ROBO2: variants seen among roughly 807,000 people sequenced by gnomAD.
ROBO2 encodes the protein roundabout guidance receptor 2.
In ROBO2, 53 loss-of-function variants were observed where a neutral mutation model predicts 160.8. The ratio of observed to expected loss-of-function variants is 0.33; its 90% CI spans 0.26 to 0.41. The LOEUF (loss-of-function observed/expected upper bound fraction) is 0.41. ROBO2 is among the 10% of genes least tolerant of loss of function. ROBO2 has a pLI of 1.00. For missense variants in ROBO2, 1,577 were observed against 1,722.4 expected (o/e 0.92, Z 1.49); for synonymous variants, 664 against 611.7 (o/e 1.09, Z -1.26).
At chr3:76,425,502 G>A (rs2076179884) in intron 2 of ROBO2, among the ~76,000 whole-genome samples, 2 of 139,926 alleles carry the variant, frequency 1.4e-5, no homozygotes, top group Non-Finnish European at 3.2e-5. Flanking sequence ...GTGTGTGTGT[G>A]TGTGTGTGTG....
chr3:77,272,115 C>T (rs1386074375), intron 2 of ROBO2, among the ~76,000 whole-genome samples: 1 of 152,140 alleles, frequency 6.6e-6, no homozygotes, highest in South Asian at 2.1e-4. Context: ...GTCTGATCGT[C>T]TTAAACCCAT....
intron 2 of ROBO2, among the ~76,000 whole-genome samples, chr3:77,336,514 C>CT (rs532539144): frequency 1.1e-3 from 155 of 145,844 alleles, no homozygotes; most frequent in Middle Eastern, 7.2e-3. Context: ...CTTCCTCTTT[C>CT]TTTTTTTTTT....
intron 2 of ROBO2, among the ~76,000 whole-genome samples, chr3:76,943,357 A>G (rs1045222173): frequency 6.6e-6 from 1 of 152,216 alleles, no homozygotes; most frequent in Non-Finnish European, 1.5e-5. Context: ...AAAATTAAAA[A>G]GAAACAAAAC....
chr3:76,335,582 C>CT (rs796159413), intron 2 of ROBO2, among the ~76,000 whole-genome samples: 227 of 141,350 alleles, frequency 1.6e-3, no homozygotes, highest in East Asian at 5.1e-3. Context: ...AAAGCCATAA[C>CT]TTTTTTTTTT....
At chr3:76,930,412 T>C (rs1026577504) in intron 2 of ROBO2, among the ~76,000 whole-genome samples, 1 of 152,186 alleles carries the variant, frequency 6.6e-6, no homozygotes, top group South Asian at 2.1e-4. Flanking sequence ...GACTGTGCTA[T>C]AGAAAATTAC....
chr3:77,572,636 A>AACAC (rs71104692), intron 13 of ROBO2, among the ~76,000 whole-genome samples: 14,032 of 146,246 alleles, frequency 0.096, 718 homozygotes, highest in East Asian at 0.15. Flanking sequence ...CGTACATAGA[A>AACAC]ACACACACAC....
intron 2 of ROBO2, among the ~76,000 whole-genome samples, chr3:77,413,638 A>G (rs1394463378): frequency 6.6e-6 from 1 of 152,204 alleles, no homozygotes; most frequent in Non-Finnish European, 1.5e-5. Context: ...ACCAGGTGGA[A>G]TCAGCGGAGA....
At chr3:76,605,266 G>T (rs539796757) in intron 2 of ROBO2, among the ~76,000 whole-genome samples, 1 of 151,954 alleles carries the variant, frequency 6.6e-6, no homozygotes, top group African/African-American at 2.4e-5. Context: ...TTCAGATGAA[G>T]ACATTAAAGA....
chr3:77,233,840 C>T (rs1048875377), intron 2 of ROBO2, among the ~76,000 whole-genome samples: 3 of 152,090 alleles, frequency 2.0e-5, no homozygotes, highest in East Asian at 1.9e-4. Flanking sequence ...AATTTATTTG[C>T]TTCTAATGTC....
rs1375513032 is a variant in ROBO2, at chr3:76,453,585, T to A, written c.109+515983T>A. 3.9e-5 allele frequency among the ~76,000 whole-genome samples: 6 copies of A among 152,194 alleles called. No individual in the cohort carries two copies. In the East Asian group the frequency reaches 9.6e-4, roughly 24 times the overall value. On this transcript the variant is annotated intron_variant, in intron 2 of 26. Coordinates refer to the ROBO2 transcript ENST00000487694. ...TGCTGTTTTGGTTACTGTAGCCTTG[T>A]AGTATAGTTTGAAGTCAGGTAGCGT...
chr3:76,521,625 C>T (rs1332226497), intron 2 of ROBO2, among the ~76,000 whole-genome samples: 1 of 152,122 alleles, frequency 6.6e-6, no homozygotes, highest in Non-Finnish European at 1.5e-5. Context: ...CTATATTGTT[C>T]TGTTAAATAT....
At chr3:77,620,339 T>C (rs1457430155) in intron 22 of ROBO2, among the ~76,000 whole-genome samples, 1 of 152,204 alleles carries the variant, frequency 6.6e-6, no homozygotes, top group Non-Finnish European at 1.5e-5. Context: ...CTAGAAGATA[T>C]TTATAAATGT....
At chr3:76,880,871 G>A (rs188465276) in intron 2 of ROBO2, among the ~76,000 whole-genome samples, 45 of 152,172 alleles carry the variant, frequency 3.0e-4, no homozygotes, top group African/African-American at 1.0e-3. Flanking sequence ...TTATTAACAC[G>A]GACTATTTTA....
intron 2 of ROBO2, among the ~76,000 whole-genome samples, chr3:76,383,992 AC>A (rs1221205022): frequency 6.6e-6 from 1 of 152,232 alleles, no homozygotes; most frequent in African/African-American, 2.4e-5. Context: ...AGAGCATGTG[AC>A]AAGACAGGCT....
At chr3:77,060,981 G>A (rs2066243033) in intron 1 of ROBO2, among the ~76,000 whole-genome samples, 1 of 151,766 alleles carries the variant, frequency 6.6e-6, no homozygotes, top group South Asian at 2.1e-4. Context: ...CGTCACCAAG[G>A]CTGGAAGACA....
intron 2 of ROBO2, among the ~76,000 whole-genome samples, chr3:76,613,206 C>T (rs2088281358): frequency 6.6e-6 from 1 of 152,048 alleles, no homozygotes; most frequent in Non-Finnish European, 1.5e-5. Flanking sequence ...TCCTGTCTTC[C>T]TTTCAGTGAA....
Position 76,775,747 on chromosome 3 carries a change from A to G in ROBO2, c.110-322267A>G, listed in dbSNP as rs892173552. ...TCATGGAATACATCGATGTTATTTA[A>G]TTGTTCACTCTTACTAAGCCTTCAA... On this transcript the variant is annotated intron_variant, in intron 2 of 26. Transcript: ENST00000487694. 1.1e-4 allele frequency among the ~76,000 whole-genome samples: 6 copies of G among 52,972 alleles called. No individual in the cohort carries two copies. In the East Asian group the frequency reaches 1.5e-3, roughly 13 times the overall value. The allele number at this position is 52,972 out of a possible 152,430, so 34.8% of individuals were successfully genotyped here. A position where few individuals can be genotyped will look rare whatever the true frequency, so the allele number is the denominator to read the frequency against.
chr3:77,433,400 A>T (rs896993224), intron 2 of ROBO2, among the ~76,000 whole-genome samples: 3 of 149,178 alleles, frequency 2.0e-5, no homozygotes, highest in African/African-American at 7.4e-5. Flanking sequence ...TCACTCCTAG[A>T]TGACATCTAT....
At chr3:76,707,831 T>A (rs1222525179) in intron 2 of ROBO2, among the ~76,000 whole-genome samples, 5 of 150,934 alleles carry the variant, frequency 3.3e-5, no homozygotes, top group East Asian at 2.0e-4. Context: ...CCAATCTGAG[T>A]CAGAGTGATG....
Sources: gnomAD v4.1 joint callset for allele counts (sites outside exome capture counted in the v4.1 genomes callset) on GRCh38, gnomAD v4.1.1 for gene constraint, MANE v1.5 for transcripts, NCBI Gene and HGNC (gene_info 2026-07-23, HGNC 2026-07-21) for gene names.